RNLS: variants seen among roughly 807,000 people sequenced by gnomAD.
RNLS encodes the protein renalase, FAD dependent amine oxidase, also known as renalase.
RNLS carries 39 observed loss-of-function variants against 39.8 expected under a neutral mutation model. That is an observed-to-expected ratio of 0.98 (90% CI 0.76 to 1.28). The LOEUF is 1.28. Among genes scored for constraint, RNLS ranks in the 50% most tolerant of loss-of-function variants. The pLI is 0.00. For synonymous variants in RNLS, 147 were observed against 150.7 expected (o/e 0.98, Z 0.18); for missense variants, 410 against 413.3 (o/e 0.99, Z 0.07).
chr10:88,258,012 C>A, the RNLS span, among the ~76,000 whole-genome samples: 6 of 152,282 alleles, frequency 3.9e-5, no homozygotes, highest in Admixed American at 2.0e-4. Flanking sequence ...CTTTCCCCCA[C>A]AAGAAATTTT....
At chr10:88,427,174 C>T (rs529920220) in intron 4 of RNLS, among the ~76,000 whole-genome samples, 16 of 152,036 alleles carry the variant, frequency 1.1e-4, no homozygotes, top group Non-Finnish European at 2.1e-4. Context: ...AGGACTAGTG[C>T]GTCTAATCTT....
intron 4 of RNLS, among the ~76,000 whole-genome samples, chr10:88,370,647 G>C (rs1040172291): frequency 6.6e-6 from 1 of 152,142 alleles, no homozygotes; most frequent in African/African-American, 2.4e-5. Flanking sequence ...CCTTAGATTA[G>C]ATCATCTAGC....
intron 4 of RNLS, among the ~76,000 whole-genome samples, chr10:88,454,841 C>T (rs1842542799): frequency 6.6e-6 from 1 of 152,106 alleles, no homozygotes; most frequent in African/African-American, 2.4e-5. Flanking sequence ...ATAGATGATT[C>T]CTGCCTATTC....
chr10:88,173,392 T>C, the RNLS span, among the ~76,000 whole-genome samples: 1 of 152,230 alleles, frequency 6.6e-6, no homozygotes, highest in Non-Finnish European at 1.5e-5. Flanking sequence ...TATAGCCTTG[T>C]AGTATGTTTT....
intron 4 of RNLS, among the ~76,000 whole-genome samples, chr10:88,507,536 T>C (rs1845860814): frequency 6.6e-6 from 1 of 152,284 alleles, no homozygotes; most frequent in Middle Eastern, 3.4e-3. Flanking sequence ...CCATGATTTA[T>C]GGCTCACTTT....
intron 1 of RNLS, 140 bp downstream of exon 1, chr10:88,582,933 A>G (rs968906547): frequency 1.1e-5 from 11 of 963,784 alleles, no homozygotes; most frequent in Middle Eastern, 2.3e-4. Context: ...CACTCGGCGC[A>G]TGGGCCGCGC....
At chr10:88,376,116 C>G (rs1850972252) in intron 4 of RNLS, among the ~76,000 whole-genome samples, 1 of 152,058 alleles carries the variant, frequency 6.6e-6, no homozygotes, top group African/African-American at 2.4e-5. Context: ...AGTTAATCTT[C>G]CTTGGTTGAT....
intron 4 of RNLS, among the ~76,000 whole-genome samples, chr10:88,491,157 C>G (rs1844856319): frequency 6.6e-6 from 1 of 152,188 alleles, no homozygotes; most frequent in Non-Finnish European, 1.5e-5. Flanking sequence ...TCAGAAAACA[C>G]TGCTAGTGCT....
intron 3 of RNLS, among the ~76,000 whole-genome samples, chr10:88,575,689 G>GA (rs1234789101): frequency 2.0e-5 from 3 of 152,028 alleles, no homozygotes; most frequent in Non-Finnish European, 4.4e-5. Flanking sequence ...TATAAGCTCT[G>GA]AAAAACCCAA....
At chr10:88,384,709 A>G (rs1851759903) in intron 4 of RNLS, among the ~76,000 whole-genome samples, 1 of 152,236 alleles carries the variant, frequency 6.6e-6, no homozygotes, top group Admixed American at 6.5e-5. Context: ...TTAATAAAAT[A>G]GTTTATTATG....
At chr10:88,476,792 G>A (rs189558332) in intron 4 of RNLS, among the ~76,000 whole-genome samples, 1 of 152,126 alleles carries the variant, frequency 6.6e-6, no homozygotes, top group Admixed American at 6.6e-5. Context: ...TCATGAAAGG[G>A]TTGAGAGGTA....
chr10:88,228,592 T>C, the RNLS span, among the ~76,000 whole-genome samples: 1 of 152,234 alleles, frequency 6.6e-6, no homozygotes, highest in Non-Finnish European at 1.5e-5. Context: ...GAAGTGCCAC[T>C]ACTTCTTCGG....
At chr10:88,338,914 A>G (rs1847718798) in intron 5 of RNLS, among the ~76,000 whole-genome samples, 1 of 151,974 alleles carries the variant, frequency 6.6e-6, no homozygotes, top group Admixed American at 6.6e-5. Context: ...GGCGCCCGCC[A>G]CCATGCCTGG....
chr10:88,311,336 G>A (rs1487884555), intron 6 of RNLS, among the ~76,000 whole-genome samples: 1 of 152,174 alleles, frequency 6.6e-6, no homozygotes. Flanking sequence ...GAAAGAAAGA[G>A]TTAATATATC....
chr10:88,373,197 C>T (rs923160102), intron 4 of RNLS, among the ~76,000 whole-genome samples: 1 of 152,062 alleles, frequency 6.6e-6, no homozygotes, highest in South Asian at 2.1e-4. Flanking sequence ...ATACTTTATA[C>T]CAAGGCAATG....
At chr10:88,333,446 G>A (rs1291963884) in intron 5 of RNLS, among the ~76,000 whole-genome samples, 2 of 152,074 alleles carry the variant, frequency 1.3e-5, no homozygotes, top group Admixed American at 6.5e-5. Flanking sequence ...TTCTACAAAT[G>A]AGCCCGCATA....
At chr10:88,385,860 T>C (rs1851831760) in intron 4 of RNLS, among the ~76,000 whole-genome samples, 1 of 152,182 alleles carries the variant, frequency 6.6e-6, no homozygotes, top group Admixed American at 6.5e-5. Flanking sequence ...CAATGTAACA[T>C]ATTTCTTAGG....
At chr10:88,472,230 A>C (rs947363182) in intron 4 of RNLS, among the ~76,000 whole-genome samples, 1 of 152,192 alleles carries the variant, frequency 6.6e-6, no homozygotes, top group African/African-American at 2.4e-5. Flanking sequence ...GAGGTGTATA[A>C]AGCACAATTA....
chr10:88,334,073 C>T (rs1315879988), intron 5 of RNLS, among the ~76,000 whole-genome samples: 1 of 152,192 alleles, frequency 6.6e-6, no homozygotes, highest in Non-Finnish European at 1.5e-5. Context: ...TGTTGAACTT[C>T]TGTGAGACTA....
Sources: allele counts gnomAD v4.1 joint callset (sites outside exome capture counted in the v4.1 genomes callset), GRCh38; gene constraint gnomAD v4.1.1; transcripts MANE v1.5; gene names NCBI Gene and HGNC (gene_info 2026-07-23, HGNC 2026-07-21).